The following THSD4 variants were observed in gnomAD, a reference collection of about 807,000 sequenced individuals.
THSD4 encodes thrombospondin type 1 domain containing 4.
THSD4 carries 69 observed loss-of-function variants against 119.0 expected under a neutral mutation model. The ratio of observed to expected loss-of-function variants is 0.58; its 90% CI spans 0.48 to 0.71. The LOEUF is 0.71. Among genes scored for constraint, THSD4 ranks in the 30% least tolerant of loss-of-function variants. The pLI is 0.00. For missense variants in THSD4, 1,393 were observed against 1,391.1 expected, an observed-to-expected ratio of 1.00 and a Z score of -0.02; for synonymous variants, 524 against 540.4, an observed-to-expected ratio of 0.97 and a Z score of 0.42.
chr15:71,719,739 G>C (rs559846535), intron 8 of THSD4, among the ~76,000 whole-genome samples: 4 of 152,254 alleles, frequency 2.6e-5, no homozygotes, highest in African/African-American at 9.6e-5. Context: ...ACGGTGGCAC[G>C]ATCTCAGCTC....
chr15:71,579,739 T>C (rs1250894320), intron 7 of THSD4, among the ~76,000 whole-genome samples: 3 of 152,216 alleles, frequency 2.0e-5, no homozygotes, highest in African/African-American at 7.2e-5. Context: ...GGAGACACCA[T>C]GGTTTGGAAG....
chr15:71,619,736 G>A (rs969617836), intron 7 of THSD4, among the ~76,000 whole-genome samples: 3 of 152,162 alleles, frequency 2.0e-5, no homozygotes, highest in Admixed American at 6.5e-5. Flanking sequence ...GGCACAGCAC[G>A]CTGTCTGTTT....
intron 4 of THSD4, among the ~76,000 whole-genome samples, chr15:71,224,293 C>A (rs1392740261): frequency 6.6e-6 from 1 of 152,130 alleles, no homozygotes; most frequent in Non-Finnish European, 1.5e-5. Flanking sequence ...CAGAGAGGAA[C>A]TTTAAAGCAG....
chr15:71,357,930 G>A (rs763412631), intron 6 of THSD4, among the ~76,000 whole-genome samples: 1 of 152,196 alleles, frequency 6.6e-6, no homozygotes, highest in Non-Finnish European at 1.5e-5. Flanking sequence ...TGTGCTGCGC[G>A]ATTCCTACCA....
intron 7 of THSD4, among the ~76,000 whole-genome samples, chr15:71,616,851 A>T (rs1443742065): frequency 6.6e-6 from 1 of 152,080 alleles, no homozygotes; most frequent in African/African-American, 2.4e-5. Flanking sequence ...AATAGGATTA[A>T]CTCTCTACGA....
chr15:71,224,285 G>C (rs1443651972), intron 4 of THSD4, among the ~76,000 whole-genome samples: 1 of 152,180 alleles, frequency 6.6e-6, no homozygotes, highest in Non-Finnish European at 1.5e-5. Context: ...CTCCTTTCCA[G>C]AGAGGAACTT....
rs771517333 is a variant in THSD4 at position 71,737,769 on chromosome 15, G to A, written c.1668G>A (p.Arg556=). ...ATGGCCAGATGGTGACAGAAGGCAG[G>A]AGCCAGGAGGAGGGAGAACAGAAAG... ...PFNGQMVTEG[R]SQEEGEQKGR... The change falls in exon 11 of 18, where the codon AGG becomes AGA. Residue 556 remains arginine (R), a synonymous_variant. Transcript: ENST00000261862. 4.3e-6 allele frequency: 7 copies of A among 1,613,600 alleles called. No individual in the cohort carries two copies. Among genetic ancestry groups the A allele is most frequent in the Non-Finnish European group, 5.9e-6 (7 of 1,179,762 alleles).
In THSD4 at chr15:71,581,197, T is replaced by G. The variant is rs539200278; in HGVS notation, c.1153-79333T>G. On this transcript the variant is annotated intron_variant, in intron 7 of 17. Transcript: ENST00000261862. ...CCATCAACAATGTACAAAGGTTTCC[T>G]TTTCCCCACATTCTCACCAACACTT... Among the ~76,000 whole-genome samples, 120 of 152,300 alleles carry G rather than the reference T, an allele frequency of 7.9e-4. 1 individual carries two copies. Among genetic ancestry groups the G allele is most frequent in the Non-Finnish European group, 5.7e-4 (39 of 68,006 alleles).
chr15:71,472,161 C>T (rs879892627), intron 7 of THSD4, among the ~76,000 whole-genome samples: 3 of 152,190 alleles, frequency 2.0e-5, no homozygotes, highest in Non-Finnish European at 4.4e-5. Flanking sequence ...AAGTGACCCT[C>T]CTGCCTCAGC....
At chr15:71,307,535 G>T (rs2045047433) in intron 6 of THSD4, among the ~76,000 whole-genome samples, 1 of 152,216 alleles carries the variant, frequency 6.6e-6, no homozygotes, top group Non-Finnish European at 1.5e-5. Context: ...ACTTTGGGAG[G>T]CTGAGGCAGG....
intron 4 of THSD4, among the ~76,000 whole-genome samples, chr15:71,236,150 G>T (rs775436835): frequency 4.6e-5 from 7 of 152,142 alleles, no homozygotes; most frequent in Non-Finnish European, 8.8e-5. Flanking sequence ...AAAGGAACTT[G>T]CCTGAGCTCT....
intron 8 of THSD4, among the ~76,000 whole-genome samples, chr15:71,683,071 A>C (rs1385557671): frequency 6.6e-6 from 1 of 151,032 alleles, no homozygotes; most frequent in Non-Finnish European, 1.5e-5. Flanking sequence ...ACAGACTCAC[A>C]CCACCATGCC....
rs933131527 is a variant in THSD4, at chr15:71,249,104, C to CAT, written c.912+6018_912+6019dup. ...AAATTCTCTTACTGACCTTTTCATA[C>CAT]ATATATATATACACACACACACGTA... On this transcript the variant is annotated intron_variant, in intron 5 of 17. Coordinates refer to ENST00000261862, the MANE Select transcript of THSD4 (RefSeq NM_024817.3). Among the ~76,000 whole-genome samples the CAT allele has an allele frequency of 1.6e-4, 25 of 151,936 alleles. No individual in the cohort carries two copies. In the South Asian group the frequency reaches 4.0e-3, roughly 24 times the overall value.
intron 7 of THSD4, among the ~76,000 whole-genome samples, chr15:71,597,247 G>A (rs1020120310): frequency 3.9e-5 from 6 of 152,136 alleles, no homozygotes; most frequent in Non-Finnish European, 5.9e-5. Context: ...CCTGTCTCAA[G>A]TAGGCAAGAA....
chr15:71,484,675 G>C (rs1053070144), intron 7 of THSD4, among the ~76,000 whole-genome samples: 5 of 152,172 alleles, frequency 3.3e-5, no homozygotes, highest in African/African-American at 9.7e-5. Context: ...CTTTGAGGTT[G>C]TTAGAACTGT....
At chr15:71,683,268 G>A (rs1202245765) in intron 8 of THSD4, among the ~76,000 whole-genome samples, 1 of 151,604 alleles carries the variant, frequency 6.6e-6, no homozygotes, top group Non-Finnish European at 1.5e-5. Context: ...CATTATTCCA[G>A]GTGAATTTTT....
intron 7 of THSD4, among the ~76,000 whole-genome samples, chr15:71,477,238 G>A (rs558619628): frequency 1.3e-5 from 2 of 152,326 alleles, no homozygotes; most frequent in East Asian, 3.9e-4. Flanking sequence ...GACGCCACTG[G>A]TTCCTATCAG....
intron 7 of THSD4, among the ~76,000 whole-genome samples, chr15:71,463,228 A>C (rs1467132596): frequency 6.6e-6 from 1 of 152,070 alleles, no homozygotes. Flanking sequence ...TGACTTCATC[A>C]TATTAGTTAT....
intron 7 of THSD4, among the ~76,000 whole-genome samples, chr15:71,421,158 CAAAAAAAAAAAAAAAAAAA>C (rs769831708): frequency 5.3e-5 from 1 of 18,780 alleles, no homozygotes; most frequent in African/African-American, 1.8e-4. Context: ...GACTCCGTCT[CAAAAAAAAAAAAAAAAAAA>C]AAAAAAAAAA....
Sources: allele counts gnomAD v4.1 joint callset (sites outside exome capture counted in the v4.1 genomes callset), GRCh38; gene constraint gnomAD v4.1.1; transcripts MANE v1.5; gene names NCBI Gene and HGNC (gene_info 2026-07-23, HGNC 2026-07-21).